The following BCAR3 variants were observed in gnomAD, a reference collection of about 807,000 sequenced individuals.
The protein encoded by BCAR3 is breast cancer anti-estrogen resistance protein 3.
In BCAR3, 37 loss-of-function variants were observed where a neutral mutation model predicts 80.1. The ratio of observed to expected loss-of-function variants is 0.46; its 90% CI spans 0.36 to 0.61. The LOEUF is 0.61. Ranked by LOEUF, BCAR3 falls within the 20% of genes least tolerant of loss-of-function variation. The pLI, the probability that BCAR3 is intolerant of heterozygous loss-of-function variation, is 0.00. For missense variants in BCAR3, 978 were observed against 1,068.2 expected (o/e 0.92, Z 1.18); for synonymous variants, 389 against 418.9 (o/e 0.93, Z 0.87).
chr1:93,834,316 C>T (rs1330418392), intron 2 of BCAR3, among the ~76,000 whole-genome samples: 1 of 152,184 alleles, frequency 6.6e-6, no homozygotes, highest in Non-Finnish European at 1.5e-5. Context: ...CCTATCCACC[C>T]TATGGTGCCA....
At position 93,586,372 on chromosome 1, in the gene BCAR3, A is replaced by G. The variant is rs1199767402; in HGVS notation, c.930-2251T>C. On this transcript the variant is annotated intron_variant, in intron 5 of 11. Coordinates refer to ENST00000260502, the MANE Select transcript of BCAR3 (RefSeq NM_003567.4). This position sits in a 1 kb window ranked among gnomAD's most constrained non-coding sequence, Gnocchi z 4.2. ...CTCCAATTCCATCCACGTGGTTGCAAATAACAGGATCTCATTGTTTTTATG... is the reference window on the plus strand; with the variant it reads ...CTCCAATTCCATCCACGTGGTTGCAGATAACAGGATCTCATTGTTTTTATG... Among the ~76,000 whole-genome samples, 1 of 152,238 alleles carries G rather than the reference A, an allele frequency of 6.6e-6. No homozygotes were observed. Among genetic ancestry groups the G allele is most frequent in the Non-Finnish European group, 1.5e-5 (1 of 68,046 alleles).
intron 2 of BCAR3, among the ~76,000 whole-genome samples, chr1:93,741,547 C>G (rs1651175896): frequency 6.6e-6 from 1 of 152,156 alleles, no homozygotes; most frequent in Non-Finnish European, 1.5e-5. Flanking sequence ...TGCTCAATAA[C>G]TGGAAGCTAT....
At chr1:93,806,997 T>C (rs1317276879) in intron 2 of BCAR3, among the ~76,000 whole-genome samples, 1 of 152,022 alleles carries the variant, frequency 6.6e-6, no homozygotes, top group Non-Finnish European at 1.5e-5. Flanking sequence ...CCCAGCTACT[T>C]GAGGGGCCTA....
intron 2 of BCAR3, among the ~76,000 whole-genome samples, chr1:93,733,356 C>A (rs1650861258): frequency 6.6e-6 from 1 of 152,158 alleles, no homozygotes; most frequent in Non-Finnish European, 1.5e-5. Context: ...CCCCGACCCA[C>A]CTTACAAGAC....
At chr1:93,814,999 T>C (rs915191213) in intron 2 of BCAR3, among the ~76,000 whole-genome samples, 7 of 152,254 alleles carry the variant, frequency 4.6e-5, no homozygotes, top group Admixed American at 3.9e-4. Context: ...CCTTCTTTCC[T>C]ACTTTTAATA....
At chr1:93,746,118 G>A (rs1018916440) in intron 2 of BCAR3, among the ~76,000 whole-genome samples, 2 of 152,212 alleles carry the variant, frequency 1.3e-5, no homozygotes, top group African/African-American at 4.8e-5. Context: ...AAGGCAGCTG[G>A]CTGTGGATCA....
intron 3 of BCAR3, among the ~76,000 whole-genome samples, chr1:93,609,560 A>G (rs1400264904): frequency 6.6e-6 from 1 of 152,202 alleles, no homozygotes; most frequent in East Asian, 1.9e-4. Context: ...TGTCCACAAA[A>G]ATACCTAAAT....
chr1:93,663,794 G>A (rs549954713), intron 2 of BCAR3, among the ~76,000 whole-genome samples: 22 of 152,278 alleles, frequency 1.4e-4, no homozygotes, highest in African/African-American at 5.3e-4. Context: ...CACACTGGGG[G>A]AATCCTTTAA....
chr1:93,822,920 C>G (rs181618300), intron 2 of BCAR3, among the ~76,000 whole-genome samples: 1 of 92,502 alleles, frequency 1.1e-5, no homozygotes, highest in Admixed American at 1.2e-4. Context: ...TCAGAGGCAA[C>G]CATGGAAATC....
At chr1:93,694,500 G>T (rs112043521) in intron 3 of BCAR3, among the ~76,000 whole-genome samples, 1 of 152,184 alleles carries the variant, frequency 6.6e-6, no homozygotes, top group Non-Finnish European at 1.5e-5. Context: ...TGGCTCTCCT[G>T]GTCCCTTCCT....
At chr1:93,728,723 T>C (rs978927256) in intron 2 of BCAR3, among the ~76,000 whole-genome samples, 1 of 152,158 alleles carries the variant, frequency 6.6e-6, no homozygotes, top group Non-Finnish European at 1.5e-5. Context: ...TTTGCCAGCA[T>C]ACTTCCCTCG....
At chr1:93,707,283 A>G (rs1649859224) in intron 2 of BCAR3, among the ~76,000 whole-genome samples, 1 of 152,224 alleles carries the variant, frequency 6.6e-6, no homozygotes, top group Non-Finnish European at 1.5e-5. Flanking sequence ...TATATACACC[A>G]AAGAGTGTTT....
Position 93,805,840 on chromosome 1 carries a change from C to A in BCAR3, c.-63+39727G>T, listed in dbSNP as rs182610222. On this transcript the variant is annotated intron_variant, in intron 2 of 13. Transcript: ENST00000370244. ...AAAGGATTAAACAAATGAACAAAAA[C>A]TTCTAAAAACCTTAGAGAAAACTAA... 6.1e-4 allele frequency among the ~76,000 whole-genome samples: 93 copies of A among 152,166 alleles called. No individual in the cohort carries two copies. The East Asian group carries it at 0.017, about 28-fold the overall frequency.
At chr1:93,629,895 G>C (rs1053842072) in intron 3 of BCAR3, among the ~76,000 whole-genome samples, 10 of 152,266 alleles carry the variant, frequency 6.6e-5, no homozygotes, top group Non-Finnish European at 1.3e-4. Context: ...AGGTGGGCAA[G>C]AGAAGGTAGA....
At position 93,567,303 on chromosome 1, in the gene BCAR3, T is replaced by G. The variant is rs1242655091; in HGVS notation, c.2275A>C (p.Met759Leu). Residue 759 changes from methionine to leucine, a missense_variant, in exon 11 of 12, where the codon ATG becomes CTG. Physicochemically the swap from Met to Leu is conservative, Grantham distance 15. Transcript: ENST00000260502. ...FMAEAADSYR[M>L]NAERILAGFQ... ...CCTGCCAGGATCCTCTCAGCATTCA[T>G]CCGGTAGCTGTCTGCAGCCTCGGCC... 6 of 1,614,106 alleles carry G rather than the reference T, an allele frequency of 3.7e-6. No homozygotes were observed. The highest frequency in any genetic ancestry group is 5.1e-6 in the Non-Finnish European group (6 of 1,180,028).
At chr1:93,675,467 T>C (rs541813986) in intron 1 of BCAR3, among the ~76,000 whole-genome samples, 159 of 152,260 alleles carry the variant, frequency 1.0e-3, no homozygotes, top group African/African-American at 3.5e-3. Context: ...TATAAATAAA[T>C]CAATGCACTC....
intron 2 of BCAR3, among the ~76,000 whole-genome samples, chr1:93,842,602 C>T (rs185970221): frequency 8.5e-5 from 13 of 152,310 alleles, no homozygotes; most frequent in Admixed American, 8.5e-4. Flanking sequence ...CTCCCTGACC[C>T]TCTGGACCCA....
intron 2 of BCAR3, among the ~76,000 whole-genome samples, chr1:93,647,953 A>ACAAAATTTT (rs1676196777): frequency 6.6e-6 from 1 of 151,996 alleles, no homozygotes. Flanking sequence ...TTGTATTTTT[A>ACAAAATTTT]GTAGAGATGG....
chr1:93,618,966 A>C (rs1019993480), intron 3 of BCAR3, among the ~76,000 whole-genome samples: 7 of 148,694 alleles, frequency 4.7e-5, no homozygotes, highest in African/African-American at 1.7e-4. Flanking sequence ...CTGAGACGGA[A>C]TCTCGCTCTG....
Sources: gnomAD v4.1 joint callset for allele counts (sites outside exome capture counted in the v4.1 genomes callset) on GRCh38, gnomAD v4.1.1 for gene constraint, Gnocchi (gnomAD v3.1) non-coding constraint, MANE v1.5 for transcripts, NCBI Gene and HGNC (gene_info 2026-07-23, HGNC 2026-07-21) for gene names.